The following MAP3K9 variants were observed in gnomAD, a reference collection of about 807,000 sequenced individuals.
MAP3K9 encodes the protein mitogen-activated protein kinase kinase kinase 9.
A neutral mutation model predicts 95.8 loss-of-function variants in MAP3K9; 46 were observed. The observed-to-expected ratio is 0.48, with a 90% confidence interval of 0.38 to 0.61. The LOEUF (loss-of-function observed/expected upper bound fraction) is 0.61, where lower values mean the gene tolerates loss of function less well. MAP3K9 is among the 20% of genes least tolerant of loss of function. The pLI is 0.00. For synonymous variants in MAP3K9, 533 were observed against 593.8 expected, an observed-to-expected ratio of 0.90 and a Z score of 1.49; for missense variants, 1,296 against 1,474.3, an observed-to-expected ratio of 0.88 and a Z score of 1.98.
At chr14:70,788,021 G>A (rs1279025508) in intron 2 of MAP3K9, among the ~76,000 whole-genome samples, 2 of 152,168 alleles carry the variant, frequency 1.3e-5, no homozygotes, top group Non-Finnish European at 2.9e-5. Context: ...TAGAAAAAAA[G>A]TTATCAGAGA....
Position 70,756,581 on chromosome 14 carries a change from T to C in MAP3K9, c.1001+4421A>G, listed in dbSNP as rs1322275216. ...GCAGGCAATTGGGTGTGCAGAGATG[T>C]GTACAACTTCTGGATAGTTTCCAAA... is the stretch of plus-strand genomic sequence containing the variant. On this transcript the variant is annotated intron_variant, in intron 3 of 11. Transcript: ENST00000554752. Among the ~76,000 whole-genome samples the C allele has an allele frequency of 3.3e-5, 5 of 152,218 alleles. No individual in the cohort carries two copies. The East Asian group carries it at 7.7e-4, about 23-fold the overall frequency.
intron 2 of MAP3K9, among the ~76,000 whole-genome samples, chr14:70,794,990 CTTT>C (rs572010694): frequency 9.1e-5 from 7 of 76,816 alleles, no homozygotes; most frequent in South Asian, 5.4e-4. Flanking sequence ...TTTTCTTTTC[CTTT>C]TTTTTTTTTT....
chr14:70,801,333 T>C (rs2054928149), intron 1 of MAP3K9, among the ~76,000 whole-genome samples: 1 of 152,148 alleles, frequency 6.6e-6, no homozygotes. Context: ...ACCTGGAAAA[T>C]CATGCAGAAT....
rs1398505699 is a variant in MAP3K9 at position 70,726,982 on chromosome 14, C to G, written c.*3398G>C. 1 of 152,248 alleles carries G rather than the reference C, an allele frequency of 6.6e-6. No individual in the cohort carries two copies. The highest frequency in any genetic ancestry group is 2.4e-5 in the African/African-American group (1 of 41,456). 9.4% of individuals were successfully genotyped at this position (152,248 alleles called of 1,614,324 possible). A position where few individuals can be genotyped will look rare whatever the true frequency, so the allele number is the denominator to read the frequency against. On this transcript the variant is annotated 3_prime_UTR_variant, in exon 12 of 12. Transcript: ENST00000554752. ...AGCAAAAGCAGAATGGGGAATGCAG[C>G]CAACCTGTTCAGTTCTGAGCCCAGT... is the stretch of plus-strand genomic sequence containing the variant.
chr14:70,786,477 A>T (rs1237679524), intron 2 of MAP3K9, among the ~76,000 whole-genome samples: 1 of 152,190 alleles, frequency 6.6e-6, no homozygotes, highest in African/African-American at 2.4e-5. Context: ...GAACACTGTT[A>T]TCCTTCTACA....
chr14:70,742,160 A>C (rs980694929), intron 6 of MAP3K9, among the ~76,000 whole-genome samples, 191 bp downstream of exon 6: 1 of 152,106 alleles, frequency 6.6e-6, no homozygotes, highest in Non-Finnish European at 1.5e-5. Context: ...CACATGCAAC[A>C]ATTTCCCTGG....
rs939512153 is a variant in MAP3K9, at chr14:70,806,589, A to G, written c.406+2177T>C. Reference sequence around the variant, plus strand: ...CCAGATTTAGGAATCCACTCTATCCAAGATAACTTGTATGACAATGAAGAT... The same window carrying G: ...CCAGATTTAGGAATCCACTCTATCCGAGATAACTTGTATGACAATGAAGAT... On this transcript the variant is annotated intron_variant, in intron 1 of 11. Coordinates refer to ENST00000554752, the MANE Select transcript of MAP3K9 (RefSeq NM_001284230.2). Among the ~76,000 whole-genome samples, 3 of 152,212 alleles carry G rather than the reference A, an allele frequency of 2.0e-5. No individual in the cohort carries two copies. The East Asian group carries it at 5.8e-4, about 29-fold the overall frequency.
intron 2 of MAP3K9, among the ~76,000 whole-genome samples, chr14:70,780,866 T>C (rs909169966): frequency 5.9e-5 from 9 of 152,312 alleles, no homozygotes; most frequent in Admixed American, 5.9e-4. Context: ...AGGAAGCCTA[T>C]CAGATGCTCG....
chr14:70,786,489 A>G (rs2054746728), intron 2 of MAP3K9, among the ~76,000 whole-genome samples: 1 of 152,116 alleles, frequency 6.6e-6, no homozygotes, highest in Non-Finnish European at 1.5e-5. Context: ...CCTTCTACAT[A>G]ACATACCAAA....
At chr14:70,768,131 T>C (rs1034727607) in intron 2 of MAP3K9, among the ~76,000 whole-genome samples, 6 of 152,118 alleles carry the variant, frequency 3.9e-5, no homozygotes, top group African/African-American at 1.4e-4. Context: ...TAATTGTACA[T>C]TTAAAAATAA....
chr14:70,774,598 G>A (rs1029023669), intron 2 of MAP3K9, among the ~76,000 whole-genome samples: 1 of 152,048 alleles, frequency 6.6e-6, no homozygotes, highest in African/African-American at 2.4e-5. Flanking sequence ...GAGAGGCAGA[G>A]GTTGCCTCTG....
At chr14:70,803,141 G>A (rs908589007) in intron 1 of MAP3K9, among the ~76,000 whole-genome samples, 4 of 151,752 alleles carry the variant, frequency 2.6e-5, no homozygotes, top group East Asian at 1.9e-4. Flanking sequence ...TTCACCTTCC[G>A]CCATGAATAA....
intron 2 of MAP3K9, among the ~76,000 whole-genome samples, chr14:70,772,554 A>C (rs936563570): frequency 6.6e-6 from 1 of 152,200 alleles, no homozygotes; most frequent in Non-Finnish European, 1.5e-5. Context: ...GTGTCTGCTT[A>C]AATCAGTTTA....
intron 2 of MAP3K9, chr14:70,765,480 T>C: frequency 1.4e-6 from 1 of 694,260 alleles, no homozygotes; most frequent in Non-Finnish European, 2.6e-6. Context: ...CATTTCATGG[T>C]GAGTGTTCTG....
Position 70,740,140 on chromosome 14 carries a change from T to A in MAP3K9, c.1592A>T (p.Gln531Leu). The A allele has an allele frequency of 6.2e-7, 1 of 1,613,908 alleles. No individual in the cohort carries two copies. Residue 531 changes from glutamine (Q) to leucine (L), a missense_variant, in exon 7 of 12, where the codon CAG becomes CTG. By Grantham distance (113) the Gln-to-Leu change is moderately radical. This residue lies in a region of MAP3K9 where 377 missense variants were observed against 417.1 expected (regional missense o/e 0.90). Transcript: ENST00000554752. ...PSDFQHKFTV[Q>L]ASPTMDKRKS... ...CCTTTTATCCATGGTAGGGGAGGCCTGCACCGTGAACTTGTGCTGGAAATC... is the reference window on the plus strand; with the variant it reads ...CCTTTTATCCATGGTAGGGGAGGCCAGCACCGTGAACTTGTGCTGGAAATC...
chr14:70,791,623 C>T (rs1285804995), intron 2 of MAP3K9, among the ~76,000 whole-genome samples: 2 of 152,224 alleles, frequency 1.3e-5, no homozygotes, highest in African/African-American at 4.8e-5. Context: ...CTGCCTGGAA[C>T]CTCCTTGCCC....
At position 70,784,120 on chromosome 14, in the gene MAP3K9, C is replaced by A. The variant is rs117624923; in HGVS notation, c.820+16547G>T. 5.3e-5 allele frequency among the ~76,000 whole-genome samples: 8 copies of A among 151,908 alleles called. No homozygotes were observed. In the East Asian group the frequency reaches 1.4e-3, roughly 26 times the overall value. On this transcript the variant is annotated intron_variant, in intron 2 of 11. Transcript: ENST00000554752. ...CCAACATGGTGAAATTGCACCTCTA[C>A]TAAAAATACAAAACTAGCTGGGCAT...
intron 2 of MAP3K9, among the ~76,000 whole-genome samples, chr14:70,798,466 C>CA (rs2054889261): frequency 1.5e-5 from 1 of 67,758 alleles, no homozygotes; most frequent in African/African-American, 5.7e-5. Flanking sequence ...AAGAGGTCAC[C>CA]AAAAGTTTTT....
At chr14:70,739,914 A>ACACATG (rs760323848) in intron 7 of MAP3K9, 128 bp downstream of exon 7, 56 of 1,613,066 alleles carry the variant, frequency 3.5e-5, no homozygotes, top group Non-Finnish European at 3.4e-6. Flanking sequence ...GCATGTATAT[A>ACACATG]CACATTGTCG....
Sources: allele counts gnomAD v4.1 joint callset (sites outside exome capture counted in the v4.1 genomes callset), GRCh38; gene constraint gnomAD v4.1.1; regional missense constraint gnomAD v4.1.1; transcripts MANE v1.5; gene names NCBI Gene and HGNC (gene_info 2026-07-23, HGNC 2026-07-21).